Variants in FHOD3 observed in about 807,000 individuals in gnomAD.
FHOD3 encodes the protein FH1/FH2 domain-containing protein 3.
In FHOD3, 90 loss-of-function variants were observed where a neutral mutation model predicts 173.0. The ratio of observed to expected loss-of-function variants is 0.52; its 90% CI spans 0.44 to 0.62. FHOD3 has a LOEUF of 0.62. Among genes scored for constraint, FHOD3 ranks in the 20% least tolerant of loss-of-function variants. The pLI is 0.00. For missense variants in FHOD3, 1,945 were observed against 2,034.7 expected (o/e 0.96, Z 0.85); for synonymous variants, 828 against 823.0 (o/e 1.01, Z -0.10).
chr18:36,706,843 T>C (rs1039548048), intron 17 of FHOD3, among the ~76,000 whole-genome samples: 2 of 152,048 alleles, frequency 1.3e-5, no homozygotes, highest in Non-Finnish European at 2.9e-5. Context: ...GGAAACACAT[T>C]TTTGTTTTGA....
At chr18:36,412,770 T>C (rs559152856) in intron 3 of FHOD3, among the ~76,000 whole-genome samples, 2 of 152,322 alleles carry the variant, frequency 1.3e-5, no homozygotes, top group African/African-American at 4.8e-5. Flanking sequence ...GGTATAGAAG[T>C]CTAATGTTGA....
chr18:36,332,402 A>T (rs1332238788), intron 1 of FHOD3, among the ~76,000 whole-genome samples: 2 of 152,176 alleles, frequency 1.3e-5, no homozygotes, highest in African/African-American at 2.4e-5. Flanking sequence ...AGGGAAGGAG[A>T]CATGATTCTC....
intron 1 of FHOD3, among the ~76,000 whole-genome samples, chr18:36,336,386 G>A (rs1322628720): frequency 6.6e-6 from 1 of 152,140 alleles, no homozygotes; most frequent in Admixed American, 6.5e-5. Flanking sequence ...ATGCATTTTA[G>A]CTGTAGAGTA....
intron 3 of FHOD3, among the ~76,000 whole-genome samples, chr18:36,456,611 A>G (rs1312827568): frequency 6.6e-6 from 1 of 152,028 alleles, no homozygotes; most frequent in African/African-American, 2.4e-5. Context: ...TTGGGGTACT[A>G]CTGGATGGGG....
At chr18:36,367,288 C>T (rs2046945649) in intron 2 of FHOD3, among the ~76,000 whole-genome samples, 1 of 152,168 alleles carries the variant, frequency 6.6e-6, no homozygotes, top group Admixed American at 6.5e-5. Flanking sequence ...TAGATAGTCC[C>T]CTTGGCACTT....
intron 20 of FHOD3, among the ~76,000 whole-genome samples, chr18:36,734,104 A>C (rs1397255710): frequency 3.3e-5 from 5 of 152,328 alleles, no homozygotes; most frequent in Admixed American, 2.6e-4. Flanking sequence ...ACCCAGGAGT[A>C]GCTGACTTAC....
At position 36,763,221 on chromosome 18, in the gene FHOD3, C is replaced by T. The variant is rs148417780; in HGVS notation, c.4624+2439C>T. Among the ~76,000 whole-genome samples, 1,083 of 144,388 alleles carry T rather than the reference C, an allele frequency of 7.5e-3. 8 individuals carry two copies. Among genetic ancestry groups the T allele is most frequent in the Non-Finnish European group, 9.7e-3 (644 of 66,556 alleles). The allele number at this position is 144,388 out of a possible 152,430, so 94.7% of individuals were successfully genotyped here. On this transcript the variant is annotated intron_variant, in intron 27 of 28. Coordinates refer to ENST00000590592, the MANE Select transcript of FHOD3 (RefSeq NM_001281740.3). The stretch of plus-strand genomic sequence containing the variant: ...ATATACGTTATATATGTGTACTATA[C>T]GTTATATACAATATGCGTATTATAC...
At chr18:36,308,242 C>T (rs1349656754) in intron 1 of FHOD3, among the ~76,000 whole-genome samples, 1 of 152,156 alleles carries the variant, frequency 6.6e-6, no homozygotes, top group Non-Finnish European at 1.5e-5. Flanking sequence ...TGATTACTTC[C>T]TTAAGACGAA....
At chr18:36,549,111 C>G (rs1191491370) in intron 5 of FHOD3, among the ~76,000 whole-genome samples, 3 of 152,138 alleles carry the variant, frequency 2.0e-5, no homozygotes, top group African/African-American at 7.2e-5. Flanking sequence ...TTAATTTTAG[C>G]CATTCTACTA....
intron 24 of FHOD3, among the ~76,000 whole-genome samples, chr18:36,747,777 C>T (rs1401711728): frequency 1.3e-5 from 2 of 152,212 alleles, no homozygotes; most frequent in African/African-American, 4.8e-5. Context: ...CAGTGGTAGC[C>T]CGAAGACTAG....
At chr18:36,623,719 T>C (rs1022527570) in intron 9 of FHOD3, among the ~76,000 whole-genome samples, 1 of 152,198 alleles carries the variant, frequency 6.6e-6, no homozygotes, top group Non-Finnish European at 1.5e-5. Flanking sequence ...TCGTCACCTA[T>C]GGGAGTTTGT....
chr18:36,727,253 C>G (rs1043102293), intron 19 of FHOD3, among the ~76,000 whole-genome samples: 1 of 152,072 alleles, frequency 6.6e-6, no homozygotes, highest in South Asian at 2.1e-4. Context: ...TCAAATGGAT[C>G]AGAATAGATG....
At chr18:36,509,772 G>A (rs774461266) in intron 4 of FHOD3, among the ~76,000 whole-genome samples, 10 of 152,130 alleles carry the variant, frequency 6.6e-5, no homozygotes, top group African/African-American at 9.7e-5. Context: ...AACATGCTTG[G>A]ACTCTTGTAG....
At position 36,637,010 on chromosome 18, in the gene FHOD3, G is replaced by A. The variant is rs559513074; in HGVS notation, c.1196+11261G>A. 1.2e-4 allele frequency among the ~76,000 whole-genome samples: 19 copies of A among 152,252 alleles called. No homozygotes were observed. In the East Asian group the frequency reaches 2.9e-3, roughly 23 times the overall value. ...GGAAAAAACAACTATGAAGTACCTT[G>A]GACTCTACCTTTGTTTTTGTTTGCA... On this transcript the variant is annotated intron_variant, in intron 10 of 28. Coordinates refer to ENST00000590592, the MANE Select transcript of FHOD3 (RefSeq NM_001281740.3).
chr18:36,726,387 A>G (rs976074215), intron 19 of FHOD3, among the ~76,000 whole-genome samples: 3 of 152,148 alleles, frequency 2.0e-5, no homozygotes, highest in Non-Finnish European at 4.4e-5. Flanking sequence ...CATCAATTGC[A>G]GAACAACTTT....
At chr18:36,740,595 G>A in intron 20 of FHOD3, 61 bp from the exon 21 acceptor site, 1 of 1,389,608 alleles carries the variant, frequency 7.2e-7, no homozygotes, top group Non-Finnish European at 9.9e-7. Flanking sequence ...TTATAACATT[G>A]AAGGGACAGG....
intron 14 of FHOD3, among the ~76,000 whole-genome samples, chr18:36,671,567 G>T (rs1004930463): frequency 6.6e-6 from 1 of 152,216 alleles, no homozygotes; most frequent in African/African-American, 2.4e-5. Flanking sequence ...TGAGTTCAGT[G>T]TGCCAACTTT....
chr18:36,650,741 T>G (rs1006480838), intron 11 of FHOD3, among the ~76,000 whole-genome samples: 1 of 152,218 alleles, frequency 6.6e-6, no homozygotes, highest in Non-Finnish European at 1.5e-5. Context: ...CCCTCAGGTA[T>G]GCACATGCTT....
intron 17 of FHOD3, among the ~76,000 whole-genome samples, chr18:36,706,526 C>T (rs536301256): frequency 3.0e-4 from 45 of 152,120 alleles, no homozygotes; most frequent in Non-Finnish European, 5.0e-4. Flanking sequence ...TTCCAGAGCT[C>T]GCGTGTCTGT....
Sources: allele counts gnomAD v4.1 joint callset (sites outside exome capture counted in the v4.1 genomes callset), GRCh38; gene constraint gnomAD v4.1.1; transcripts MANE v1.5; gene names NCBI Gene and HGNC (gene_info 2026-07-23, HGNC 2026-07-21).